DISC1: variants seen among roughly 807,000 people sequenced by gnomAD.
DISC1 encodes DISC1 scaffold protein.
A neutral mutation model predicts 84.5 loss-of-function variants in DISC1; 57 were observed. The ratio of observed to expected loss-of-function variants is 0.67; its 90% CI spans 0.55 to 0.84. The LOEUF is 0.84. DISC1 is among the 40% of genes least tolerant of loss of function. The probability of loss-of-function intolerance (pLI) is 0.00; values close to 1 mark genes in which losing one functional copy is unlikely to be tolerated. For synonymous variants in DISC1, 411 were observed against 415.2 expected (o/e 0.99, Z 0.12); for missense variants, 1,000 against 1,057.8 (o/e 0.95, Z 0.76).
At chr1:231,802,057 A>C (rs1379439263) in intron 8 of DISC1, among the ~76,000 whole-genome samples, 1 of 151,960 alleles carries the variant, frequency 6.6e-6, no homozygotes, top group Non-Finnish European at 1.5e-5. Context: ...TGACCTTGTG[A>C]TCTGCCCTGA....
At chr1:231,697,467 G>A (rs879732469) in intron 2 of DISC1, among the ~76,000 whole-genome samples, 17 of 151,960 alleles carry the variant, frequency 1.1e-4, no homozygotes, top group Non-Finnish European at 1.8e-4. Context: ...TTTAAGAGAC[G>A]GGGTCTCTGT....
chr1:231,631,791 G>A (rs867498163), intron 1 of DISC1, among the ~76,000 whole-genome samples: 2 of 151,810 alleles, frequency 1.3e-5, no homozygotes, highest in Admixed American at 6.6e-5. Context: ...GTTATGGTAC[G>A]CTAAAGATAA....
At chr1:231,899,898 A>G (rs540886912) in intron 9 of DISC1, among the ~76,000 whole-genome samples, 1 of 152,174 alleles carries the variant, frequency 6.6e-6, no homozygotes, top group African/African-American at 2.4e-5. Flanking sequence ...CTGCTTCCCA[A>G]AATAGACACA....
chr1:231,957,942 G>A (rs975050376), intron 9 of DISC1, among the ~76,000 whole-genome samples: 2 of 152,100 alleles, frequency 1.3e-5, no homozygotes, highest in Non-Finnish European at 2.9e-5. Context: ...GAGTACATGA[G>A]CCCTTCAGCA....
At chr1:231,955,658 T>A (rs1659362782) in intron 9 of DISC1, among the ~76,000 whole-genome samples, 1 of 151,956 alleles carries the variant, frequency 6.6e-6, no homozygotes, top group Admixed American at 6.6e-5. Flanking sequence ...CCCAGCCAAT[T>A]TTTCTATTTT....
At chr1:231,725,618 G>T (rs1205390165) in intron 3 of DISC1, among the ~76,000 whole-genome samples, 2 of 152,242 alleles carry the variant, frequency 1.3e-5, no homozygotes, top group East Asian at 3.8e-4. Flanking sequence ...TCTGCGAGGA[G>T]CAGTACGCTT....
At position 231,698,431 on chromosome 1, in the gene DISC1, C is replaced by T. The variant is rs1258465752; in HGVS notation, c.1048-3524C>T. On this transcript the variant is annotated intron_variant, in intron 2 of 12. Transcript: ENST00000439617. The surrounding 1 kb of genome is among the most constrained non-coding windows in gnomAD (Gnocchi z 4.9). The stretch of plus-strand genomic sequence containing the variant: ...GCAGAGGAGGGGAAGTGGAGTGGGC[C>T]CTGCAAGGTAGGCTCCACCTAAGGC... Among the ~76,000 whole-genome samples, 3 of 151,970 alleles carry T rather than the reference C, an allele frequency of 2.0e-5. No individual in the cohort carries two copies. Among genetic ancestry groups the T allele is most frequent in the South Asian group, 4.2e-4 (2 of 4,812 alleles).
intron 9 of DISC1, among the ~76,000 whole-genome samples, chr1:231,825,428 C>G (rs202081306): frequency 1.3e-5 from 2 of 152,138 alleles, no homozygotes; most frequent in Non-Finnish European, 2.9e-5. Context: ...ATTAGAGTCT[C>G]TTTGTACATT....
intron 11 of DISC1, among the ~76,000 whole-genome samples, chr1:232,025,084 C>G (rs200000115): frequency 5.3e-5 from 8 of 152,210 alleles, no homozygotes; most frequent in Non-Finnish European, 1.2e-4. Flanking sequence ...TTCTACATGC[C>G]CAGCATTCAA....
In DISC1 at chr1:231,770,403, A is replaced by G. The variant is rs370599438; in HGVS notation, c.1399-432A>G. 2.6e-5 allele frequency among the ~76,000 whole-genome samples: 4 copies of G among 151,986 alleles called. No homozygotes were observed. In the East Asian group the frequency reaches 5.8e-4, roughly 22 times the overall value. Reference sequence around the variant, plus strand: ...ATTTTTTACCTTTCTCTGTACTCTGAATTCTTGTGTTTGGGGACAGACTAA... The same window carrying G: ...ATTTTTTACCTTTCTCTGTACTCTGGATTCTTGTGTTTGGGGACAGACTAA... On this transcript the variant is annotated intron_variant, in intron 5 of 12. Transcript: ENST00000439617.
chr1:231,924,658 A>ATT (rs1338480700), intron 9 of DISC1, among the ~76,000 whole-genome samples: 8 of 142,408 alleles, frequency 5.6e-5, no homozygotes, highest in Admixed American at 7.0e-5. Flanking sequence ...ATTTGCAACA[A>ATT]TTTTTTTTTT....
intron 9 of DISC1, among the ~76,000 whole-genome samples, chr1:231,828,908 T>A (rs1421992484): frequency 6.6e-6 from 1 of 151,948 alleles, no homozygotes; most frequent in Non-Finnish European, 1.5e-5. Flanking sequence ...ACAGAGTGGC[T>A]CAAGTTTCTG....
chr1:231,940,362 C>T (rs909135688), intron 9 of DISC1, among the ~76,000 whole-genome samples: 1 of 152,148 alleles, frequency 6.6e-6, no homozygotes, highest in Non-Finnish European at 1.5e-5. Flanking sequence ...CTTGGTGAGC[C>T]CCGGCCAGGC....
At chr1:231,964,072 ACTT>A (rs570401330) in intron 10 of DISC1, among the ~76,000 whole-genome samples, 30 of 152,064 alleles carry the variant, frequency 2.0e-4, no homozygotes, top group Admixed American at 7.9e-4. Flanking sequence ...TTTAGTTTTT[ACTT>A]CTTCTTTCTT....
chr1:231,995,469 T>A (rs1332600397), intron 10 of DISC1, among the ~76,000 whole-genome samples: 1 of 152,026 alleles, frequency 6.6e-6, no homozygotes, highest in Non-Finnish European at 1.5e-5. Flanking sequence ...TAGGTATATC[T>A]CCTAATGCTA....
chr1:232,020,441 T>C (rs1378981756), intron 11 of DISC1, among the ~76,000 whole-genome samples: 14 of 152,216 alleles, frequency 9.2e-5, no homozygotes, highest in Non-Finnish European at 1.9e-4. Flanking sequence ...CTAAGACCCC[T>C]ACCAAATCCA....
chr1:231,651,150 G>A (rs1193399685), intron 1 of DISC1, among the ~76,000 whole-genome samples: 3 of 152,138 alleles, frequency 2.0e-5, no homozygotes, highest in African/African-American at 7.2e-5. Context: ...AGGTGCTCTG[G>A]TTTTTAGGAT....
At chr1:231,702,749 G>A (rs1413834275) in intron 3 of DISC1, 17 of 245,406 alleles carry the variant, frequency 6.9e-5, no homozygotes, top group Non-Finnish European at 1.1e-4. Context: ...GGTAGACTGA[G>A]TCAAAGGAAA....
intron 9 of DISC1, chr1:231,819,167 T>G: frequency 1.0e-6 from 1 of 974,238 alleles, no homozygotes; most frequent in Non-Finnish European, 1.2e-6. Flanking sequence ...ACTTATTTCT[T>G]AAAAAATGGT....
Sources: gnomAD v4.1 joint callset for allele counts (sites outside exome capture counted in the v4.1 genomes callset) on GRCh38, gnomAD v4.1.1 for gene constraint, Gnocchi (gnomAD v3.1) non-coding constraint, MANE v1.5 for transcripts, NCBI Gene and HGNC (gene_info 2026-07-23, HGNC 2026-07-21) for gene names.